Variants in D2HGDH observed in about 807,000 individuals in gnomAD.
D2HGDH encodes the protein D-2-hydroxyglutarate dehydrogenase, mitochondrial.
A neutral mutation model predicts 46.9 loss-of-function variants in D2HGDH; 31 were observed. That is an observed-to-expected ratio of 0.66 (90% CI 0.50 to 0.89). The LOEUF is 0.89. Ranked by LOEUF, D2HGDH falls within the 40% of genes least tolerant of loss-of-function variation. The probability of loss-of-function intolerance (pLI) is 0.00; values close to 1 mark genes in which losing one functional copy is unlikely to be tolerated. For synonymous variants in D2HGDH, 364 were observed against 332.6 expected (o/e 1.09, Z -1.03); for missense variants, 698 against 720.8 (o/e 0.97, Z 0.36).
intron 8 of D2HGDH, chr2:241,755,129 TG>T (rs1224821490): frequency 1.5e-6 from 2 of 1,304,110 alleles, no homozygotes; most frequent in Non-Finnish European, 2.0e-6. Context: ...GGCCCGGTTC[TG>T]CTTCAGCCAC....
chr2:241,742,203 C>T lies in D2HGDH; in HGVS notation c.351-232C>T, dbSNP rs1403707939. 3.3e-5 allele frequency among the ~76,000 whole-genome samples: 5 copies of T among 152,116 alleles called. No individual in the cohort carries two copies. The highest frequency in any genetic ancestry group is 7.2e-5 in the African/African-American group (3 of 41,404). On this transcript the variant is annotated intron_variant, in intron 3 of 9. Coordinates refer to ENST00000321264, the MANE Select transcript of D2HGDH (RefSeq NM_152783.5). The surrounding 1 kb of genome is among the most constrained non-coding windows in gnomAD (Gnocchi z 4.8). ...GTCCTTTGAGGGAAGCCTTGTAGGACGTCAGAATCGGGGCCTCCACTTCCG... is the reference window on the plus strand; with the variant it reads ...GTCCTTTGAGGGAAGCCTTGTAGGATGTCAGAATCGGGGCCTCCACTTCCG...
chr2:241,763,916 G>A (rs777288775), intron 9 of D2HGDH, among the ~76,000 whole-genome samples: 4 of 152,076 alleles, frequency 2.6e-5, no homozygotes, highest in Non-Finnish European at 4.4e-5. Context: ...CAGGCATGGT[G>A]GTACATGCCT....
chr2:241,754,892 T>C, intron 8 of D2HGDH: 1 of 761,388 alleles, frequency 1.3e-6, no homozygotes, highest in Admixed American at 3.8e-5. Context: ...CGTGAGCCAC[T>C]GCGCCCGGCC....
At chr2:241,758,030 C>T (rs1370241008) in intron 9 of D2HGDH, among the ~76,000 whole-genome samples, 2 of 151,922 alleles carry the variant, frequency 1.3e-5, no homozygotes, top group Admixed American at 6.6e-5. Flanking sequence ...TCATGGTGAC[C>T]GGGTGCTTGT....
At chr2:241,750,706 C>G (rs973312046) in intron 7 of D2HGDH, among the ~76,000 whole-genome samples, 1 of 152,130 alleles carries the variant, frequency 6.6e-6, no homozygotes, top group Non-Finnish European at 1.5e-5. Context: ...GATGGAGTTT[C>G]GCACTGTGGC....
intron 3 of D2HGDH, among the ~76,000 whole-genome samples, chr2:241,741,381 A>G (rs1178729576): frequency 2.6e-5 from 4 of 152,218 alleles, no homozygotes; most frequent in Admixed American, 2.6e-4. Flanking sequence ...CCGGGTGTCC[A>G]TGACTGTGGA....
At position 241,743,477 on chromosome 2, in the gene D2HGDH, G is replaced by C; in HGVS notation, c.491-145G>C. 1.2e-6 allele frequency: 1 copy of C among 845,986 alleles called. No individual in the cohort carries two copies. Among genetic ancestry groups the C allele is most frequent in the African/African-American group, 1.7e-5 (1 of 59,272 alleles). The allele number at this position is 845,986 out of a possible 1,614,324, so 52.4% of individuals were successfully genotyped here. The stretch of plus-strand genomic sequence containing the variant: ...ATGTTTTCGTCCTTGGGCCAGCGAT[G>C]TGGGGGTGCCTCTTCTCCTCAGCCC... On this transcript the variant is annotated intron_variant, in intron 4 of 9. Coordinates refer to ENST00000321264, the MANE Select transcript of D2HGDH (RefSeq NM_152783.5). The surrounding 1 kb of genome is among the most constrained non-coding windows in gnomAD (Gnocchi z 4.8).
intron 9 of D2HGDH, among the ~76,000 whole-genome samples, chr2:241,760,626 T>C (rs1311704469): frequency 6.6e-6 from 1 of 150,410 alleles, no homozygotes; most frequent in Non-Finnish European, 1.5e-5. Flanking sequence ...ACCCAATCAG[T>C]CGAAGTCCTT....
chr2:241,752,755 AT>A (rs1483114784), intron 8 of D2HGDH, among the ~76,000 whole-genome samples: 1 of 151,562 alleles, frequency 6.6e-6, no homozygotes, highest in Non-Finnish European at 1.5e-5. Flanking sequence ...GCAGTCAGTC[AT>A]GCAGCCCCCA....
intron 9 of D2HGDH, among the ~76,000 whole-genome samples, chr2:241,763,067 C>T (rs569203480): frequency 9.9e-5 from 15 of 152,258 alleles, no homozygotes; most frequent in Middle Eastern, 3.4e-3. Flanking sequence ...GGGCCCCGCC[C>T]GGAACCTCTT....
chr2:241,744,716 C>G lies in D2HGDH; in HGVS notation c.692C>G (p.Ala231Gly). 1 of 1,614,250 alleles carries G rather than the reference C, an allele frequency of 6.2e-7. No homozygotes were observed. The highest frequency in any genetic ancestry group is 8.5e-7 in the Non-Finnish European group (1 of 1,180,044). Residue 231 changes from alanine (A) to glycine (G), a missense_variant, in exon 6 of 10, where the codon GCC becomes GGC. Transcript: ENST00000321264. ...GTVLGLEVVLADGTVLDCLTS... is the reference protein window; with the variant it reads ...GTVLGLEVVLGDGTVLDCLTS... Reference sequence around the variant, plus strand: ...GCTTCTCTTTGCCCCAAGGTGCTGGCCGACGGCACTGTCCTGGACTGCCTG... The same window carrying G: ...GCTTCTCTTTGCCCCAAGGTGCTGGGCGACGGCACTGTCCTGGACTGCCTG...
chr2:241,745,386 G>A (rs537847439), intron 6 of D2HGDH, among the ~76,000 whole-genome samples: 4 of 152,272 alleles, frequency 2.6e-5, no homozygotes, highest in African/African-American at 2.4e-5. Context: ...ACCTGCCTGC[G>A]GCTCCTTTCT....
At chr2:241,749,703 G>T (rs139352476) in intron 6 of D2HGDH, 130 of 333,560 alleles carry the variant, frequency 3.9e-4, no homozygotes, top group African/African-American at 2.7e-3. Context: ...CGTCTCAGGT[G>T]CTGTGTGGTT....
At chr2:241,741,188 C>A in intron 3 of D2HGDH, 98 bp downstream of exon 3, 1 of 1,074,694 alleles carries the variant, frequency 9.3e-7, no homozygotes, top group Non-Finnish European at 1.4e-6. Context: ...GGTGCGAAGC[C>A]AGCCGATGAC....
At chr2:241,736,042 T>C (rs1469747669) in intron 2 of D2HGDH, 1 of 164,966 alleles carries the variant, frequency 6.1e-6, no homozygotes, top group African/African-American at 2.4e-5. Context: ...ATTACAGGCG[T>C]GAGCCACCCC....
chr2:241,760,632 T>C (rs1167564565), intron 9 of D2HGDH, among the ~76,000 whole-genome samples: 2 of 124,624 alleles, frequency 1.6e-5, no homozygotes, highest in Non-Finnish European at 3.4e-5. Context: ...TCAGTCGAAG[T>C]CCTTTGCCAC....
intron 9 of D2HGDH, among the ~76,000 whole-genome samples, chr2:241,758,765 A>G (rs568837356): frequency 1.2e-3 from 135 of 113,448 alleles, no homozygotes; most frequent in African/African-American, 3.5e-3. Flanking sequence ...CCGCCCCACA[A>G]TATATGTGTG....
In D2HGDH at chr2:241,750,159, G is replaced by C. The variant is rs757451444; in HGVS notation, c.862G>C (p.Gly288Arg). Residue 288 changes from glycine to arginine, a missense_variant, in exon 7 of 10, where the codon GGC becomes CGC. Coordinates refer to ENST00000321264, the MANE Select transcript of D2HGDH (RefSeq NM_152783.5). Reference sequence around the variant, plus strand: ...GCTGTGACCCGTTTCAGGCTGCCCAGGCTTTGCTGAGGTTCTGCAGACCTT... The same window carrying C: ...GCTGTGACCCGTTTCAGGCTGCCCACGCTTTGCTGAGGTTCTGCAGACCTT... ...AVNVAFLGCP[G>R]FAEVLQTFST... is the part of the protein sequence containing the mutation. The C allele has an allele frequency of 5.0e-6, 8 of 1,614,090 alleles. No individual in the cohort carries two copies. The highest frequency in any genetic ancestry group is 4.2e-6 in the Non-Finnish European group (5 of 1,180,026).
chr2:241,745,411 C>T (rs1450429223), intron 6 of D2HGDH, among the ~76,000 whole-genome samples: 2 of 152,186 alleles, frequency 1.3e-5, no homozygotes, highest in Non-Finnish European at 2.9e-5. Flanking sequence ...TCATTTGAAT[C>T]GGGCGGGTTT....
Sources: gnomAD v4.1 joint callset for allele counts (sites outside exome capture counted in the v4.1 genomes callset) on GRCh38, gnomAD v4.1.1 for gene constraint, Gnocchi (gnomAD v3.1) non-coding constraint, MANE v1.5 for transcripts, NCBI Gene and HGNC (gene_info 2026-07-23, HGNC 2026-07-21) for gene names.